The following IKZF1 variants were observed in gnomAD, a reference collection of about 807,000 sequenced individuals.
IKZF1 encodes the protein DNA-binding protein Ikaros.
Under a neutral mutation model 51.7 loss-of-function variants are expected in IKZF1, and 10 were observed. The ratio of observed to expected loss-of-function variants is 0.19; its 90% CI spans 0.12 to 0.33. The LOEUF (loss-of-function observed/expected upper bound fraction) is 0.33. Among genes scored for constraint, IKZF1 ranks in the 10% least tolerant of loss-of-function variants. The probability of loss-of-function intolerance (pLI) is 1.00; values close to 1 mark genes in which losing one functional copy is unlikely to be tolerated. For synonymous variants in IKZF1, 280 were observed against 282.3 expected, an observed-to-expected ratio of 0.99 and a Z score of 0.08; for missense variants, 484 against 707.5, an observed-to-expected ratio of 0.68 and a Z score of 3.58.
intron 3 of IKZF1, among the ~76,000 whole-genome samples, chr7:50,340,995 T>A (rs1030152705): frequency 6.6e-6 from 1 of 152,244 alleles, no homozygotes; most frequent in African/African-American, 2.4e-5. Context: ...GCTTTAAGTG[T>A]AAAAATTTCT....
chr7:50,342,424 T>C (rs1288789329), intron 3 of IKZF1, among the ~76,000 whole-genome samples: 2 of 152,220 alleles, frequency 1.3e-5, no homozygotes, highest in Non-Finnish European at 2.9e-5. Flanking sequence ...TGGGAAGTCC[T>C]CTTTAAATTT....
intron 6 of IKZF1, among the ~76,000 whole-genome samples, chr7:50,388,143 T>A (rs1289018688): frequency 6.6e-6 from 1 of 152,164 alleles, no homozygotes. Flanking sequence ...AAAGGCTGGA[T>A]TTATCTGGGG....
intron 3 of IKZF1, among the ~76,000 whole-genome samples, chr7:50,365,524 A>G (rs1745525563): frequency 6.6e-6 from 1 of 152,250 alleles, no homozygotes; most frequent in South Asian, 2.1e-4. Context: ...CCACAATCAT[A>G]TGAAATAAAG....
At chr7:50,326,255 T>A (rs1429246164) in intron 2 of IKZF1, among the ~76,000 whole-genome samples, 1 of 152,242 alleles carries the variant, frequency 6.6e-6, no homozygotes, top group Non-Finnish European at 1.5e-5. Context: ...ATTTTAATGT[T>A]TGGTTCATCA....
chr7:50,374,421 C>G (rs988650902), intron 3 of IKZF1, among the ~76,000 whole-genome samples: 5 of 152,194 alleles, frequency 3.3e-5, no homozygotes, highest in Non-Finnish European at 7.3e-5. Context: ...GATGCTGGGG[C>G]CAGGCTGCCT....
chr7:50,350,955 G>A (rs887960839), intron 3 of IKZF1, among the ~76,000 whole-genome samples: 1 of 152,222 alleles, frequency 6.6e-6, no homozygotes, highest in Non-Finnish European at 1.5e-5. Context: ...AGCAATTTAA[G>A]ACCTGCGTTT....
chr7:50,386,979 GC>G (rs781443136), intron 5 of IKZF1, among the ~76,000 whole-genome samples: 183 of 152,282 alleles, frequency 1.2e-3, no homozygotes, highest in Non-Finnish European at 1.9e-3. Context: ...AGACAATGTG[GC>G]CAACACATGG....
intron 4 of IKZF1, among the ~76,000 whole-genome samples, chr7:50,378,057 A>G (rs769628072): frequency 6.6e-6 from 1 of 152,258 alleles, no homozygotes; most frequent in Non-Finnish European, 1.5e-5. Context: ...ATGTTCATCA[A>G]AAATTAAGCA....
chr7:50,392,601 G>A (rs1815462233), intron 7 of IKZF1, among the ~76,000 whole-genome samples: 1 of 152,146 alleles, frequency 6.6e-6, no homozygotes, highest in Non-Finnish European at 1.5e-5. Flanking sequence ...AAATGGCTCT[G>A]CCCCTAGAGC....
At chr7:50,351,619 G>A (rs956621321) in intron 3 of IKZF1, among the ~76,000 whole-genome samples, 7 of 152,218 alleles carry the variant, frequency 4.6e-5, no homozygotes, top group Admixed American at 1.3e-4. Flanking sequence ...TAGCTGGCCA[G>A]TGAGCCCTTC....
chr7:50,374,887 A>G (rs573767651), intron 3 of IKZF1, among the ~76,000 whole-genome samples: 1 of 152,192 alleles, frequency 6.6e-6, no homozygotes, highest in African/African-American at 2.4e-5. Flanking sequence ...CTCCCTGAAT[A>G]AAATAAGCTT....
intron 3 of IKZF1, among the ~76,000 whole-genome samples, chr7:50,336,556 CA>C (rs1448119653): frequency 9.2e-5 from 14 of 152,154 alleles, no homozygotes; most frequent in African/African-American, 2.9e-4. Flanking sequence ...GCCCTTGGGA[CA>C]GGCGGTGGCG....
Position 50,405,063 on chromosome 7 carries a change from A to G in IKZF1, c.*4436A>G. On this transcript the variant is annotated 3_prime_UTR_variant, in exon 8 of 8. Coordinates refer to ENST00000331340, the MANE Select transcript of IKZF1 (RefSeq NM_006060.6). ...ATGGATGTGTCACACCTTTTCTGTC[A>G]AAATAAAATGTCTTGGAGGTTATGA... The G allele has an allele frequency of 5.2e-6, 1 of 192,870 alleles. No individual in the cohort carries two copies. Among genetic ancestry groups the G allele is most frequent in the East Asian group, 8.1e-5 (1 of 12,340 alleles). 11.9% of individuals were successfully genotyped at this position (192,870 alleles called of 1,614,324 possible).
At chr7:50,342,660 T>C (rs1411517639) in intron 3 of IKZF1, among the ~76,000 whole-genome samples, 1 of 151,874 alleles carries the variant, frequency 6.6e-6, no homozygotes, top group Non-Finnish European at 1.5e-5. Context: ...TTTTTTTTTT[T>C]TTTCAAAGAG....
In IKZF1 at chr7:50,387,462, T is replaced by G; in HGVS notation, c.707T>G (p.Leu236Arg). 1 of 1,610,394 alleles carries G rather than the reference T, an allele frequency of 6.2e-7. No individual in the cohort carries two copies. The highest frequency in any genetic ancestry group is 1.7e-5 in the Admixed American group (1 of 59,592). ...GAAAGCATGGGCCTTCCGGGCACAC[T>G]GTACCCAGGTAAGCGCTGCTGCTCG... is the stretch of plus-strand genomic sequence containing the variant. ...YLESMGLPGT[L>R]YPVIKEETNH... The change falls in exon 6 of 8, where the codon CTG becomes CGG. Residue 236 changes from leucine to arginine, a missense_variant. Coordinates refer to ENST00000331340, the MANE Select transcript of IKZF1 (RefSeq NM_006060.6).
intron 1 of IKZF1, among the ~76,000 whole-genome samples, chr7:50,306,649 C>T (rs577198870): frequency 6.6e-6 from 1 of 152,176 alleles, no homozygotes; most frequent in Admixed American, 6.5e-5. Flanking sequence ...CAGCTGTGGC[C>T]GTTTGTAGCC....
chr7:50,394,927 G>T (rs565446194), intron 7 of IKZF1, among the ~76,000 whole-genome samples: 2 of 152,126 alleles, frequency 1.3e-5, no homozygotes, highest in Non-Finnish European at 2.9e-5. Context: ...GTTGTTTTTA[G>T]TCTGTCTGGT....
intron 5 of IKZF1, 34 bp downstream of exon 5, chr7:50,382,741 G>C: frequency 6.3e-7 from 1 of 1,577,786 alleles, no homozygotes; most frequent in Middle Eastern, 2.0e-4. Context: ...GGGCTGTCTG[G>C]GTGTCCCGGG....
chr7:50,379,235 C>G (rs868608810), intron 4 of IKZF1, among the ~76,000 whole-genome samples: 11 of 152,350 alleles, frequency 7.2e-5, no homozygotes, highest in Middle Eastern at 3.4e-3. Flanking sequence ...TCAGAGGGCT[C>G]TCCACCTGGG....
Sources: allele counts gnomAD v4.1 joint callset (sites outside exome capture counted in the v4.1 genomes callset), GRCh38; gene constraint gnomAD v4.1.1; transcripts MANE v1.5; gene names NCBI Gene and HGNC (gene_info 2026-07-23, HGNC 2026-07-21).